The following RIT2 variants were observed in gnomAD, a reference collection of about 807,000 sequenced individuals.
The protein encoded by RIT2 is Ras like without CAAX 2.
In RIT2, 24 loss-of-function variants were observed where a neutral mutation model predicts 23.7. That is an observed-to-expected ratio of 1.01 (90% CI 0.73 to 1.43). RIT2 has a LOEUF of 1.43. Ranked by LOEUF, RIT2 falls within the 40% of genes most tolerant of loss-of-function variation. RIT2 has a pLI of 0.00. For synonymous variants in RIT2, 107 were observed against 91.1 expected (o/e 1.17, Z -0.99); for missense variants, 236 against 266.9 (o/e 0.88, Z 0.81).
At chr18:42,987,127 A>G (rs182284671) in intron 2 of RIT2, among the ~76,000 whole-genome samples, 1 of 152,290 alleles carries the variant, frequency 6.6e-6, no homozygotes, top group East Asian at 1.9e-4. Context: ...TTATATATAT[A>G]CACATATGTG....
chr18:43,062,251 A>G (rs1158576171), intron 1 of RIT2, among the ~76,000 whole-genome samples: 1 of 152,204 alleles, frequency 6.6e-6, no homozygotes, highest in Non-Finnish European at 1.5e-5. Context: ...GTGAAGTATT[A>G]TGACAACCCT....
chr18:43,076,349 C>CT (rs199636779), intron 1 of RIT2, among the ~76,000 whole-genome samples: 1,564 of 151,542 alleles, frequency 0.01, 26 homozygotes, highest in African/African-American at 0.035. Flanking sequence ...TTAAATTGAT[C>CT]TTTTTTTTTC....
At chr18:42,762,090 C>T (rs912704988) in intron 4 of RIT2, among the ~76,000 whole-genome samples, 2 of 152,190 alleles carry the variant, frequency 1.3e-5, no homozygotes, top group Non-Finnish European at 2.9e-5. Context: ...GTATAGGTCT[C>T]ACTGGGAGGA....
chr18:42,854,916 A>G (rs1195701503), intron 4 of RIT2, among the ~76,000 whole-genome samples: 2 of 151,652 alleles, frequency 1.3e-5, no homozygotes, highest in African/African-American at 2.4e-5. Context: ...TCCTACAACT[A>G]CTCTTCTCTG....
chr18:43,071,916 C>T (rs1912906256), intron 1 of RIT2, among the ~76,000 whole-genome samples: 1 of 152,082 alleles, frequency 6.6e-6, no homozygotes, highest in African/African-American at 2.4e-5. Context: ...CTGAATCTCA[C>T]TATTATCAAA....
intron 1 of RIT2, among the ~76,000 whole-genome samples, chr18:43,081,870 T>G (rs1043833283): frequency 3.9e-5 from 6 of 152,124 alleles, no homozygotes; most frequent in Non-Finnish European, 7.4e-5. Flanking sequence ...CTTTCCTTCC[T>G]TTCTTCTTGC....
chr18:42,820,451 G>T (rs752277805), intron 4 of RIT2, among the ~76,000 whole-genome samples: 1 of 151,986 alleles, frequency 6.6e-6, no homozygotes, highest in Non-Finnish European at 1.5e-5. Context: ...CCAGCAGTTT[G>T]ACCTACAGGG....
intron 1 of RIT2, among the ~76,000 whole-genome samples, chr18:43,061,730 C>T (rs963543693): frequency 6.6e-5 from 10 of 152,090 alleles, no homozygotes; most frequent in Non-Finnish European, 1.2e-4. Flanking sequence ...CCTACTCAGC[C>T]TCACAGAAGG....
chr18:42,813,550 A>G (rs1324545758), intron 4 of RIT2, among the ~76,000 whole-genome samples: 1 of 152,220 alleles, frequency 6.6e-6, no homozygotes, highest in Non-Finnish European at 1.5e-5. Flanking sequence ...AAAAACAGCC[A>G]TATAAGTCAA....
intron 2 of RIT2, among the ~76,000 whole-genome samples, chr18:43,021,249 T>A (rs1911590438): frequency 6.6e-6 from 1 of 152,050 alleles, no homozygotes; most frequent in Admixed American, 6.6e-5. Context: ...TCTCAATAGA[T>A]GACACGCAAA....
intron 1 of RIT2, among the ~76,000 whole-genome samples, chr18:43,077,102 C>CAAAAAAGAAAAAA (rs755511835): frequency 3.7e-5 from 3 of 80,256 alleles, no homozygotes; most frequent in Non-Finnish European, 7.3e-5. Context: ...GACTCCGTCT[C>CAAAAAAGAAAAAA]AAAAAAAAAA....
intron 4 of RIT2, among the ~76,000 whole-genome samples, chr18:42,837,285 A>T (rs1906641271): frequency 6.9e-6 from 1 of 145,690 alleles, no homozygotes; most frequent in South Asian, 2.2e-4. Flanking sequence ...CTTCTGCCTC[A>T]GCATCCAGAG....
intron 1 of RIT2, among the ~76,000 whole-genome samples, chr18:43,110,563 A>G (rs1449707723): frequency 1.3e-5 from 2 of 152,174 alleles, no homozygotes; most frequent in East Asian, 3.9e-4. Context: ...TGTAACCATG[A>G]GATTATTTTT....
chr18:42,829,022 T>C (rs1043763773), intron 4 of RIT2, among the ~76,000 whole-genome samples: 4 of 152,188 alleles, frequency 2.6e-5, no homozygotes, highest in African/African-American at 9.7e-5. Flanking sequence ...CGGTGACCTC[T>C]CACTGTTGTC....
At chr18:43,036,424 C>T (rs1911977514) in intron 1 of RIT2, among the ~76,000 whole-genome samples, 1 of 152,094 alleles carries the variant, frequency 6.6e-6, no homozygotes, top group Non-Finnish European at 1.5e-5. Flanking sequence ...CTTGTTATCC[C>T]AGCTACTCAG....
intron 4 of RIT2, among the ~76,000 whole-genome samples, chr18:42,891,168 T>G (rs1225203063): frequency 3.9e-5 from 6 of 152,168 alleles, no homozygotes; most frequent in Non-Finnish European, 8.8e-5. Context: ...GATGCAACCC[T>G]GGCCCCAGCA....
intron 1 of RIT2, among the ~76,000 whole-genome samples, chr18:43,106,206 T>C (rs955243421): frequency 2.6e-5 from 4 of 152,246 alleles, no homozygotes; most frequent in Non-Finnish European, 2.9e-5. Context: ...TTGCCATTCA[T>C]TGCAGGAAGA....
chr18:43,083,163 C>A (rs922633054), intron 1 of RIT2, among the ~76,000 whole-genome samples: 3 of 152,068 alleles, frequency 2.0e-5, no homozygotes, highest in African/African-American at 4.8e-5. Flanking sequence ...CCTAGGAATA[C>A]AACTACAAGG....
At chr18:42,922,056 A>G (rs1041604145) in intron 4 of RIT2, among the ~76,000 whole-genome samples, 2 of 152,194 alleles carry the variant, frequency 1.3e-5, no homozygotes, top group African/African-American at 4.8e-5. Flanking sequence ...GAACAGTTGC[A>G]GAAGAGATGA....
Sources: gnomAD v4.1 joint callset for allele counts (sites outside exome capture counted in the v4.1 genomes callset) on GRCh38, gnomAD v4.1.1 for gene constraint, MANE v1.5 for transcripts, NCBI Gene and HGNC (gene_info 2026-07-23, HGNC 2026-07-21) for gene names.